The following TBL1XR1 variants were observed in gnomAD, a reference collection of about 807,000 sequenced individuals.
TBL1XR1 encodes F-box-like/WD repeat-containing protein TBL1XR1.
A neutral mutation model predicts 66.9 loss-of-function variants in TBL1XR1; 5 were observed. That is an observed-to-expected ratio of 0.07 (90% CI 0.04 to 0.16). The LOEUF (loss-of-function observed/expected upper bound fraction) is 0.16, where lower values mean the gene tolerates loss of function less well. Among genes scored for constraint, TBL1XR1 ranks in the 10% least tolerant of loss-of-function variants. TBL1XR1 has a pLI of 1.00. For missense variants in TBL1XR1, 238 were observed against 623.2 expected (o/e 0.38, Z 6.58); for synonymous variants, 210 against 206.0 (o/e 1.02, Z -0.17).
At chr3:177,094,611 A>G (rs1327937087) in intron 2 of TBL1XR1, among the ~76,000 whole-genome samples, 1 of 152,218 alleles carries the variant, frequency 6.6e-6, no homozygotes, top group African/African-American at 2.4e-5. Flanking sequence ...TGGTATGTGT[A>G]TATACACCAT....
At chr3:177,083,583 T>TTTA (rs1392380089) in intron 2 of TBL1XR1, among the ~76,000 whole-genome samples, 6 of 152,170 alleles carry the variant, frequency 3.9e-5, no homozygotes, top group African/African-American at 1.4e-4. Flanking sequence ...TGGTCTCTAT[T>TTTA]TTATCTTAAC....
intron 2 of TBL1XR1, chr3:177,079,330 G>C (rs1721107042): frequency 6.6e-6 from 1 of 151,834 alleles, no homozygotes; most frequent in Non-Finnish European, 1.5e-5. Context: ...CTACTCGGGA[G>C]GCTGAAGCAG....
At chr3:177,137,538 CA>C (rs1171656604) in intron 1 of TBL1XR1, among the ~76,000 whole-genome samples, 11 of 152,166 alleles carry the variant, frequency 7.2e-5, no homozygotes, top group African/African-American at 2.4e-4. Context: ...TAAAATCAAA[CA>C]TTTTTTAAGA....
intron 1 of TBL1XR1, among the ~76,000 whole-genome samples, chr3:177,104,946 C>T (rs894545495): frequency 2.0e-5 from 3 of 152,156 alleles, no homozygotes; most frequent in Non-Finnish European, 2.9e-5. Flanking sequence ...CTTACAATGA[C>T]CCACAGAGTT....
At chr3:177,135,389 AT>A (rs1335140290) in intron 1 of TBL1XR1, among the ~76,000 whole-genome samples, 5 of 81,980 alleles carry the variant, frequency 6.1e-5, no homozygotes, top group Non-Finnish European at 9.6e-5. Context: ...ATATGTATGT[AT>A]TTTTTTTTTA....
intron 5 of TBL1XR1, among the ~76,000 whole-genome samples, chr3:177,051,026 T>C (rs1717004600): frequency 6.6e-6 from 1 of 152,192 alleles, no homozygotes; most frequent in Non-Finnish European, 1.5e-5. Context: ...TGTTGATAAC[T>C]AGTATTACAA....
chr3:177,141,004 C>T (rs1274101067), intron 1 of TBL1XR1, among the ~76,000 whole-genome samples: 1 of 152,024 alleles, frequency 6.6e-6, no homozygotes, highest in African/African-American at 2.4e-5. Flanking sequence ...ACTGGACACC[C>T]CTGCTCTAAT....
intron 1 of TBL1XR1, among the ~76,000 whole-genome samples, chr3:177,137,571 T>C (rs1175994393): frequency 6.6e-6 from 1 of 152,190 alleles, no homozygotes; most frequent in Non-Finnish European, 1.5e-5. Context: ...TCTGGGAACA[T>C]TTACAGTCAT....
At position 177,020,030 on chromosome 3, in the gene TBL1XR1, GTC is replaced by G. The variant is rs997801969; in HGVS notation, c.*5466_*5467del. ...TATGCTCAATGATTCTTTTTAAAAA[GTC>G]TCTAACTCTAAAGGAGTTGGTATTA... is the stretch of plus-strand genomic sequence containing the variant. On this transcript the variant is annotated 3_prime_UTR_variant, in exon 16 of 16. Coordinates refer to ENST00000457928, the MANE Select transcript of TBL1XR1 (RefSeq NM_024665.7). The G allele has an allele frequency of 6.8e-6, 1 of 147,404 alleles. No homozygotes were observed. The highest frequency in any genetic ancestry group is 1.5e-5 in the Non-Finnish European group (1 of 67,024). The allele number at this position is 147,404 out of a possible 1,614,324, so 9.1% of individuals were successfully genotyped here. A position where few individuals can be genotyped will look rare whatever the true frequency, so the allele number is the denominator to read the frequency against.
chr3:177,152,179 T>C (rs1730971339), intron 1 of TBL1XR1, among the ~76,000 whole-genome samples: 1 of 152,204 alleles, frequency 6.6e-6, no homozygotes, highest in South Asian at 2.1e-4. Context: ...CTTCCAAAGA[T>C]GCTCCCAGCT....
At chr3:177,165,905 T>A (rs898368197) in intron 1 of TBL1XR1, among the ~76,000 whole-genome samples, 40 of 150,784 alleles carry the variant, frequency 2.7e-4, no homozygotes, top group African/African-American at 9.7e-4. Flanking sequence ...AAGACCAGCC[T>A]AGGCAACATG....
intron 1 of TBL1XR1, among the ~76,000 whole-genome samples, chr3:177,146,758 T>C (rs1458037887): frequency 2.0e-5 from 3 of 152,030 alleles, no homozygotes; most frequent in African/African-American, 7.2e-5. Context: ...CGTCCGTTGT[T>C]TTCCTTAAAG....
intron 1 of TBL1XR1, among the ~76,000 whole-genome samples, chr3:177,192,532 A>G (rs922589138): frequency 2.6e-5 from 4 of 152,184 alleles, no homozygotes; most frequent in African/African-American, 7.2e-5. Flanking sequence ...ACCTACACCA[A>G]TCATGTAAAT....
intron 1 of TBL1XR1, among the ~76,000 whole-genome samples, chr3:177,128,086 G>T (rs1727857250): frequency 6.6e-6 from 1 of 152,000 alleles, no homozygotes; most frequent in African/African-American, 2.4e-5. Context: ...GGGCGTGGTG[G>T]TGCACACCTA....
chr3:177,155,205 G>A, intron 1 of TBL1XR1, among the ~76,000 whole-genome samples: 1 of 152,064 alleles, frequency 6.6e-6, no homozygotes, highest in Non-Finnish European at 1.5e-5. Flanking sequence ...ATTAAACAAA[G>A]AAAGCGCTAA....
chr3:177,052,574 C>T (rs1164234329), intron 4 of TBL1XR1, among the ~76,000 whole-genome samples: 2 of 152,116 alleles, frequency 1.3e-5, no homozygotes, highest in Non-Finnish European at 2.9e-5. Context: ...GTGGAATAAG[C>T]GCCATGTCAA....
Position 177,179,625 on chromosome 3 carries a change from G to A in TBL1XR1, c.-122+17496C>T, listed in dbSNP as rs1734570483. 2.6e-5 allele frequency among the ~76,000 whole-genome samples: 4 copies of A among 152,154 alleles called. No individual in the cohort carries two copies. The South Asian group carries it at 8.3e-4, about 32-fold the overall frequency. On this transcript the variant is annotated intron_variant, in intron 1 of 15. Coordinates refer to ENST00000457928, the MANE Select transcript of TBL1XR1 (RefSeq NM_024665.7). Reference sequence around the variant, plus strand: ...TATTCCTAAACCCAACCTCAAAGTTGCAACTACTCTTGGGAGGGCTTCAAA... The same window carrying A: ...TATTCCTAAACCCAACCTCAAAGTTACAACTACTCTTGGGAGGGCTTCAAA...
At chr3:177,053,653 C>T (rs1717408492) in intron 4 of TBL1XR1, 120 bp downstream of exon 4, 2 of 953,384 alleles carry the variant, frequency 2.1e-6, no homozygotes, top group Non-Finnish European at 3.1e-6. Flanking sequence ...GGATGAACTG[C>T]CTGCACTTTT....
At chr3:177,082,047 C>A (rs4857815) in intron 2 of TBL1XR1, among the ~76,000 whole-genome samples, 1 of 152,034 alleles carries the variant, frequency 6.6e-6, no homozygotes, top group African/African-American at 2.4e-5. Context: ...CACACACTTG[C>A]AATTCTACCA....
Sources: allele counts gnomAD v4.1 joint callset (sites outside exome capture counted in the v4.1 genomes callset), GRCh38; gene constraint gnomAD v4.1.1; transcripts MANE v1.5; gene names NCBI Gene and HGNC (gene_info 2026-07-23, HGNC 2026-07-21).